The following COL26A1 variants were observed in gnomAD, a reference collection of about 807,000 sequenced individuals.
COL26A1 encodes collagen alpha-1(XXVI) chain.
COL26A1 carries 41 observed loss-of-function variants against 59.3 expected under a neutral mutation model. That is an observed-to-expected ratio of 0.69 (90% CI 0.54 to 0.90). The LOEUF is 0.90. COL26A1 is among the 40% of genes least tolerant of loss of function. The pLI, the probability that COL26A1 is intolerant of heterozygous loss-of-function variation, is 0.00. For missense variants in COL26A1, 612 were observed against 602.3 expected, an observed-to-expected ratio of 1.02 and a Z score of -0.17; for synonymous variants, 266 against 256.0, an observed-to-expected ratio of 1.04 and a Z score of -0.37.
At chr7:101,469,661 T>C (rs192939854) in intron 3 of COL26A1, among the ~76,000 whole-genome samples, 2 of 152,132 alleles carry the variant, frequency 1.3e-5, no homozygotes, top group Non-Finnish European at 2.9e-5. Context: ...AGCTAATTTT[T>C]GTATTTTTAG....
chr7:101,518,613 G>A (rs1216736292), intron 3 of COL26A1, among the ~76,000 whole-genome samples: 2 of 152,182 alleles, frequency 1.3e-5, no homozygotes, highest in Non-Finnish European at 2.9e-5. Flanking sequence ...CTTTCTGGAT[G>A]AGGAAGAAAG....
intron 3 of COL26A1, among the ~76,000 whole-genome samples, chr7:101,448,659 T>A (rs1317364923): frequency 6.6e-6 from 1 of 152,002 alleles, no homozygotes; most frequent in Admixed American, 6.6e-5. Flanking sequence ...TACCTAGCTA[T>A]TTTTTTGTAT....
In COL26A1 at chr7:101,549,177, CT is replaced by C; in HGVS notation, c.948del (p.Pro318LeufsTer31). ...PRGPPGPPGP[P>X]GPRGPPGPPG... is the part of the protein sequence containing the mutation. The stretch of plus-strand genomic sequence containing the variant: ...TCTGTGACTCTGCCCACAGGTCCCC[CT>C]GGGCCTCGAGGTCCCCCAGGACCCC... On this transcript the variant is annotated frameshift_variant, in exon 9 of 13. Coordinates refer to ENST00000313669, the MANE Select transcript of COL26A1 (RefSeq NM_001278563.3). LOFTEE classifies it high-confidence loss of function. The C allele has an allele frequency of 6.3e-7, 1 of 1,598,214 alleles. No homozygotes were observed. Among genetic ancestry groups the C allele is most frequent in the East Asian group, 2.3e-5 (1 of 43,730 alleles).
intron 1 of COL26A1, among the ~76,000 whole-genome samples, chr7:101,416,843 G>A (rs1367528883): frequency 1.4e-5 from 2 of 143,124 alleles, no homozygotes; most frequent in Admixed American, 7.1e-5. Context: ...GTGCTCCAGC[G>A]ATCCTCCTGC....
intron 1 of COL26A1, among the ~76,000 whole-genome samples, chr7:101,368,384 G>A (rs4729700): frequency 0.58 from 88,157 of 151,986 alleles, 27,145 homozygotes; most frequent in African/African-American, 0.8. Flanking sequence ...CTTCACCCAG[G>A]AAAGAATTCA....
intron 3 of COL26A1, among the ~76,000 whole-genome samples, chr7:101,493,757 TAAAAAAA>T (rs57268952): frequency 1.3e-4 from 9 of 69,222 alleles, no homozygotes; most frequent in Admixed American, 3.6e-4. Context: ...CCATCTCTAC[TAAAAAAA>T]AAAAAAAAAA....
intron 2 of COL26A1, among the ~76,000 whole-genome samples, chr7:101,424,581 G>A (rs1792600119): frequency 6.6e-6 from 1 of 152,214 alleles, no homozygotes; most frequent in Admixed American, 6.5e-5. Flanking sequence ...CTGGGTGACA[G>A]AGCAAGTCTC....
chr7:101,478,014 G>A (rs998114975), intron 3 of COL26A1, among the ~76,000 whole-genome samples: 17 of 152,068 alleles, frequency 1.1e-4, no homozygotes, highest in African/African-American at 2.7e-4. Flanking sequence ...ACGGAGTCTC[G>A]CTCTGTTGCC....
intron 4 of COL26A1, among the ~76,000 whole-genome samples, chr7:101,537,624 G>A (rs1562794937): frequency 2.0e-5 from 3 of 152,204 alleles, no homozygotes; most frequent in South Asian, 2.1e-4. Flanking sequence ...CTGTGGGCAG[G>A]GGTGTCCCAG....
intron 2 of COL26A1, among the ~76,000 whole-genome samples, chr7:101,421,827 A>G (rs1690869550): frequency 6.6e-6 from 1 of 152,136 alleles, no homozygotes; most frequent in African/African-American, 2.4e-5. Flanking sequence ...GTTTCTCATC[A>G]TACTATCATA....
intron 2 of COL26A1, among the ~76,000 whole-genome samples, chr7:101,431,075 C>T (rs930313213): frequency 1.3e-5 from 2 of 151,930 alleles, no homozygotes; most frequent in African/African-American, 4.8e-5. Flanking sequence ...GTGCTGGGAT[C>T]ATAGGCATGA....
chr7:101,456,400 C>T (rs140208948), intron 3 of COL26A1, among the ~76,000 whole-genome samples: 1,598 of 151,682 alleles, frequency 0.011, 19 homozygotes, highest in East Asian at 0.084. Context: ...TCTGTCTGGG[C>T]GCGGTGTCTC....
At chr7:101,414,979 T>G (rs1363289410) in intron 1 of COL26A1, among the ~76,000 whole-genome samples, 1 of 152,212 alleles carries the variant, frequency 6.6e-6, no homozygotes, top group Admixed American at 6.6e-5. Flanking sequence ...CAATGAAGTT[T>G]AACCTCTTAG....
chr7:101,411,471 G>A (rs1792239591), intron 1 of COL26A1, among the ~76,000 whole-genome samples: 2 of 152,082 alleles, frequency 1.3e-5, no homozygotes, highest in African/African-American at 4.8e-5. Flanking sequence ...TGGGAGGGGC[G>A]TCAGGACACG....
rs116983029 is a variant in COL26A1, at chr7:101,431,773, T to A, written c.281+11674T>A. On this transcript the variant is annotated intron_variant, in intron 2 of 12. Transcript: ENST00000313669. ...TTGAAGCAATGTTGCAATCCTGGAA[T>A]AAACTCTACCTGGTGATAATTTTGT... Among the ~76,000 whole-genome samples, 213 of 152,096 alleles carry A rather than the reference T, an allele frequency of 1.4e-3. 2 individuals carry two copies. In the East Asian group the frequency reaches 0.031, roughly 22 times the overall value.
intron 1 of COL26A1, among the ~76,000 whole-genome samples, chr7:101,403,657 A>G (rs549704682): frequency 1.3e-5 from 2 of 152,304 alleles, no homozygotes; most frequent in African/African-American, 4.8e-5. Flanking sequence ...GAATTGCAGC[A>G]TGAACCACCG....
At chr7:101,380,292 A>G (rs1268827700) in intron 1 of COL26A1, among the ~76,000 whole-genome samples, 1 of 115,904 alleles carries the variant, frequency 8.6e-6, no homozygotes, top group Admixed American at 9.6e-5. Flanking sequence ...ACCCAGCTAC[A>G]TTTTTTTTTT....
At chr7:101,544,994 C>G (rs1275481918) in intron 6 of COL26A1, among the ~76,000 whole-genome samples, 1 of 152,150 alleles carries the variant, frequency 6.6e-6, no homozygotes, top group African/African-American at 2.4e-5. Flanking sequence ...CAGGGCCAGC[C>G]CAGGATGGTG....
At chr7:101,547,102 C>A in intron 7 of COL26A1, 54 bp from the exon 8 acceptor site, 1 of 1,335,378 alleles carries the variant, frequency 7.5e-7, no homozygotes, top group Non-Finnish European at 1.0e-6. Context: ...ACCAGCCTCC[C>A]AGCACTGCCA....
Sources: allele counts gnomAD v4.1 joint callset (sites outside exome capture counted in the v4.1 genomes callset), GRCh38; gene constraint gnomAD v4.1.1; transcripts MANE v1.5; gene names NCBI Gene and HGNC (gene_info 2026-07-23, HGNC 2026-07-21).